Variants in ARHGEF4 observed in about 807,000 individuals in gnomAD.
ARHGEF4 encodes Rho guanine nucleotide exchange factor 4.
ARHGEF4 carries 119 observed loss-of-function variants against 162.0 expected under a neutral mutation model. The ratio of observed to expected loss-of-function variants is 0.73; its 90% confidence interval spans 0.63 to 0.86. The LOEUF (loss-of-function observed/expected upper bound fraction) is 0.86, where lower values mean the gene tolerates loss of function less well. Ranked by LOEUF, ARHGEF4 falls within the 40% of genes least tolerant of loss-of-function variation. ARHGEF4 has a pLI of 0.00. For synonymous variants in ARHGEF4, 1,014 were observed against 979.9 expected, an observed-to-expected ratio of 1.03 and a Z score of -0.65; for missense variants, 2,488 against 2,456.0, an observed-to-expected ratio of 1.01 and a Z score of -0.28.
intron 1 of ARHGEF4, among the ~76,000 whole-genome samples, chr2:130,890,113 A>G (rs930372420): frequency 2.6e-5 from 4 of 152,286 alleles, no homozygotes; most frequent in Admixed American, 2.6e-4. Flanking sequence ...TTGGACTTAA[A>G]AATATATGAA....
intron 4 of ARHGEF4, among the ~76,000 whole-genome samples, chr2:130,986,888 G>C (rs1463803623): frequency 6.6e-6 from 1 of 152,212 alleles, no homozygotes; most frequent in Non-Finnish European, 1.5e-5. Context: ...CCGCAGGAGA[G>C]CCTTGGGTCA....
chr2:130,866,209 G>A (rs1418406883), intron 1 of ARHGEF4, among the ~76,000 whole-genome samples: 1 of 151,822 alleles, frequency 6.6e-6, no homozygotes, highest in Non-Finnish European at 1.5e-5. Flanking sequence ...CATCTCTAGA[G>A]ACCAAAAAAA....
At chr2:130,852,830 A>T (rs1681506374) in intron 1 of ARHGEF4, among the ~76,000 whole-genome samples, 1 of 152,192 alleles carries the variant, frequency 6.6e-6, no homozygotes. Flanking sequence ...ACCACTCCTC[A>T]GGGTTGTGCT....
At chr2:131,027,897 C>T (rs1689582907) in intron 4 of ARHGEF4, 48 bp from the exon 5 acceptor site, 2 of 1,608,198 alleles carry the variant, frequency 1.2e-6, no homozygotes. Context: ...CTCCCCTCAG[C>T]CCTTCCCAGC....
intron 1 of ARHGEF4, among the ~76,000 whole-genome samples, chr2:130,894,458 C>T (rs1398881959): frequency 3.3e-5 from 5 of 152,096 alleles, no homozygotes; most frequent in African/African-American, 1.2e-4. Context: ...GGCCCTTTCT[C>T]AGTAAACAAG....
chr2:131,017,283 A>G (rs922960987), intron 4 of ARHGEF4, among the ~76,000 whole-genome samples: 4 of 152,158 alleles, frequency 2.6e-5, no homozygotes, highest in African/African-American at 9.7e-5. Flanking sequence ...GGCTGTTTGC[A>G]CAGAGCCTGG....
chr2:131,004,585 G>C (rs1251940005), intron 4 of ARHGEF4, among the ~76,000 whole-genome samples: 1 of 152,094 alleles, frequency 6.6e-6, no homozygotes, highest in Non-Finnish European at 1.5e-5. Flanking sequence ...GCAGAGTGCG[G>C]CCCTCCTTGT....
In ARHGEF4 at chr2:130,931,146, C is replaced by G. The variant is rs143550033; in HGVS notation, c.3747C>G (p.Pro1249=). 6.2e-7 allele frequency: 1 copy of G among 1,614,170 alleles called. No homozygotes were observed. The highest frequency in any genetic ancestry group is 1.1e-5 in the South Asian group (1 of 91,072). ...CTAGGGGCATCCCTCACCGCTCGCC[C>G]GTCAGTGTGGATGACCTGTGGCTGG... is the stretch of plus-strand genomic sequence containing the variant. ...SQPRGIPHRS[P]VSVDDLWLEK... The change falls in exon 3 of 14, where the codon CCC becomes CCG. Residue 1249 remains proline (P), a synonymous_variant. Coordinates refer to ENST00000409359, the MANE Select transcript of ARHGEF4 (RefSeq NM_001367493.1).
intron 5 of ARHGEF4, among the ~76,000 whole-genome samples, chr2:131,030,801 GCTT>G (rs1478607415): frequency 6.6e-6 from 1 of 152,234 alleles, no homozygotes; most frequent in Non-Finnish European, 1.5e-5. Flanking sequence ...ACTGTGCCTA[GCTT>G]GCACTGCAGA....
intron 1 of ARHGEF4, among the ~76,000 whole-genome samples, chr2:130,851,587 G>A (rs926540400): frequency 3.9e-5 from 6 of 152,234 alleles, no homozygotes; most frequent in African/African-American, 9.6e-5. Context: ...TGGAGTGGAC[G>A]GGCTGGGGGG....
chr2:130,954,602 TC>T (rs1235732387), intron 4 of ARHGEF4, among the ~76,000 whole-genome samples: 2 of 152,218 alleles, frequency 1.3e-5, no homozygotes, highest in African/African-American at 2.4e-5. Flanking sequence ...TAACACACTA[TC>T]CCACTGTCTT....
At chr2:130,850,861 G>A (rs189469092) in intron 1 of ARHGEF4, among the ~76,000 whole-genome samples, 1 of 152,376 alleles carries the variant, frequency 6.6e-6, no homozygotes, top group Non-Finnish European at 1.5e-5. Context: ...AGCTGAGGCT[G>A]CTGGGCCTCT....
intron 1 of ARHGEF4, among the ~76,000 whole-genome samples, chr2:130,885,695 G>T (rs1163995317): frequency 6.7e-6 from 1 of 148,314 alleles, no homozygotes; most frequent in African/African-American, 2.5e-5. Flanking sequence ...TCAGCCTCCC[G>T]AGCAGCTGGG....
rs1236154390 is a variant in ARHGEF4, at chr2:131,026,833, GC to G, written c.3986-1110del. ...TTTGGTGTGCCTAGGACCCAGCAGG[GC>G]CACACACACCTAGGCGTCTACACTC... On this transcript the variant is annotated intron_variant, in intron 4 of 13. Coordinates refer to ENST00000409359, the MANE Select transcript of ARHGEF4 (RefSeq NM_001367493.1). Among the ~76,000 whole-genome samples the G allele has an allele frequency of 8.5e-5, 13 of 152,108 alleles. No individual in the cohort carries two copies. In the East Asian group the frequency reaches 2.5e-3, roughly 29 times the overall value.
chr2:130,962,740 C>T (rs1684701616), intron 4 of ARHGEF4, among the ~76,000 whole-genome samples: 1 of 150,870 alleles, frequency 6.6e-6, no homozygotes, highest in Non-Finnish European at 1.5e-5. Flanking sequence ...CCTCTCAATA[C>T]TTCTGCTGCT....
At chr2:130,845,822 A>G (rs1680919475) in intron 1 of ARHGEF4, among the ~76,000 whole-genome samples, 1 of 152,240 alleles carries the variant, frequency 6.6e-6, no homozygotes, top group Admixed American at 6.5e-5. Flanking sequence ...ATGGGCCTCC[A>G]GGGAACCAGG....
At chr2:131,032,848 C>CTTTTTTTTTTTTTTTTT (rs111971610) in intron 5 of ARHGEF4, among the ~76,000 whole-genome samples, 2 of 128,618 alleles carry the variant, frequency 1.6e-5, no homozygotes, top group African/African-American at 6.7e-5. Flanking sequence ...TTTCTTTTTT[C>CTTTTTTTTTTTTTTTTT]TTTTTTTTTT....
chr2:130,985,344 C>G (rs1032799632), intron 4 of ARHGEF4, among the ~76,000 whole-genome samples: 2 of 152,088 alleles, frequency 1.3e-5, no homozygotes, highest in Non-Finnish European at 2.9e-5. Context: ...ACCAAAACAC[C>G]AGGGGTTTGG....
intron 2 of ARHGEF4, among the ~76,000 whole-genome samples, chr2:130,919,033 A>C (rs1211268759): frequency 6.6e-6 from 1 of 152,092 alleles, no homozygotes; most frequent in Non-Finnish European, 1.5e-5. Flanking sequence ...GGGGAGAGGG[A>C]ATTACACCGC....
Sources: allele counts gnomAD v4.1 joint callset (sites outside exome capture counted in the v4.1 genomes callset), GRCh38; gene constraint gnomAD v4.1.1; transcripts MANE v1.5; gene names NCBI Gene and HGNC (gene_info 2026-07-23, HGNC 2026-07-21).